Variants in MAP4 observed in about 807,000 individuals in gnomAD.
MAP4 encodes microtubule associated protein 4, also known as microtubule-associated protein 4.
A neutral mutation model predicts 170.2 loss-of-function variants in MAP4; 76 were observed. The observed-to-expected ratio is 0.45, with a 90% CI of 0.37 to 0.54. The LOEUF is 0.54. Among genes scored for constraint, MAP4 ranks in the 20% least tolerant of loss-of-function variants. The pLI, the probability that MAP4 is intolerant of heterozygous loss-of-function variation, is 0.00. For synonymous variants in MAP4, 909 were observed against 994.5 expected (o/e 0.91, Z 1.62); for missense variants, 2,506 against 2,748.0 (o/e 0.91, Z 1.97).
chr3:47,916,646 T>C lies in MAP4; in HGVS notation c.1181A>G (p.Lys394Arg), dbSNP rs199530118. 125 of 1,614,102 alleles carry C rather than the reference T, an allele frequency of 7.7e-5. No individual in the cohort carries two copies. Among genetic ancestry groups the C allele is most frequent in the Non-Finnish European group, 6.9e-5 (82 of 1,180,036 alleles). Residue 394 changes from lysine (K) to arginine (R), a missense_variant, in exon 7 of 21, where the codon AAG (lysine) becomes AGG (arginine). This residue lies in a region of MAP4 where 2,008 missense variants were observed against 2,206.0 expected (regional missense o/e 0.91). Coordinates refer to ENST00000683076, the MANE Select transcript of MAP4 (RefSeq NM_001385682.1). ...SPIKMDLAPS[K>R]DMGPPKENKI... ...GTTTTCTTTGGGTGGTCCCATGTCCTTGGAAGGAGCCAAGTCCATTTTTAT... is the reference window on the plus strand; with the variant it reads ...GTTTTCTTTGGGTGGTCCCATGTCCCTGGAAGGAGCCAAGTCCATTTTTAT...
At chr3:48,078,388 C>T (rs1439641313) in intron 1 of MAP4, among the ~76,000 whole-genome samples, 1 of 147,076 alleles carries the variant, frequency 6.8e-6, no homozygotes, top group East Asian at 2.0e-4. Context: ...AACTCCTGGG[C>T]TCAAGCAATC....
At chr3:47,888,885 G>C (rs574645999) in intron 10 of MAP4, among the ~76,000 whole-genome samples, 1 of 152,346 alleles carries the variant, frequency 6.6e-6, no homozygotes, top group African/African-American at 2.4e-5. Flanking sequence ...AAATGGCTCA[G>C]ATTGGTTAAG....
At chr3:48,032,741 C>T (rs1196516225) in intron 1 of MAP4, among the ~76,000 whole-genome samples, 1 of 152,122 alleles carries the variant, frequency 6.6e-6, no homozygotes, top group Non-Finnish European at 1.5e-5. Context: ...CGACCTAAAA[C>T]TGCACTCTGA....
chr3:47,892,182 G>GGTGA, intron 10 of MAP4: 1 of 1,536,364 alleles, frequency 6.5e-7, no homozygotes, highest in Non-Finnish European at 8.7e-7. Flanking sequence ...CTGCTCTCAA[G>GGTGA]GTGACCTGAG....
chr3:47,972,220 A>G lies in MAP4; in HGVS notation c.292+5645T>C, dbSNP rs564536438. Among the ~76,000 whole-genome samples, 3 of 152,354 alleles carry G rather than the reference A, an allele frequency of 2.0e-5. No homozygotes were observed. The South Asian group carries it at 6.2e-4, about 32-fold the overall frequency. Reference sequence around the variant, plus strand: ...CTACTGTAAACAAACACTAACCCAGAATGGCTAGGGAACTGCGCATTTTGT... The same window carrying G: ...CTACTGTAAACAAACACTAACCCAGGATGGCTAGGGAACTGCGCATTTTGT... On this transcript the variant is annotated intron_variant, in intron 3 of 20. Transcript: ENST00000683076.
intron 1 of MAP4, among the ~76,000 whole-genome samples, chr3:48,023,820 C>G (rs1044004530): frequency 2.0e-5 from 3 of 152,136 alleles, no homozygotes; most frequent in African/African-American, 7.2e-5. Flanking sequence ...AATGAAACTA[C>G]TAACAAAAAT....
chr3:47,909,050 G>T lies in MAP4; in HGVS notation c.5371C>A (p.Leu1791Met). The T allele has an allele frequency of 6.2e-7, 1 of 1,612,836 alleles. No homozygotes were observed. The highest frequency in any genetic ancestry group is 8.5e-7 in the Non-Finnish European group (1 of 1,179,406). Residue 1791 changes from leucine (L) to methionine (M), a missense_variant, in exon 9 of 21, where the codon CTG becomes ATG. Physicochemically the swap from Leu to Met is conservative, Grantham distance 15. Around this residue, in one of 3 missense-constraint regions of MAP4, gnomAD observed 2,008 missense variants for 2,206.0 expected, o/e 0.91. Coordinates refer to ENST00000683076, the MANE Select transcript of MAP4 (RefSeq NM_001385682.1). Reference protein sequence around the residue: ...TIQEQERHKQLKSAVCLSSST... With the variant: ...TIQEQERHKQMKSAVCLSSST... ...GGCAGGTTCATACCAGCGGACTTCA[G>T]TTGCTTATGTCTCTCTTGTTCCTGG...
intron 3 of MAP4, 58 bp downstream of exon 3, chr3:47,977,807 A>G (rs2100083053): frequency 1.8e-6 from 2 of 1,106,356 alleles, no homozygotes; most frequent in Non-Finnish European, 1.4e-6. Flanking sequence ...GGAGATTATC[A>G]AGGTGTTCAT....
At chr3:48,040,548 C>T (rs1028384824) in intron 1 of MAP4, among the ~76,000 whole-genome samples, 1 of 151,682 alleles carries the variant, frequency 6.6e-6, no homozygotes, top group African/African-American at 2.4e-5. Flanking sequence ...GGATTACAGG[C>T]GTGAGCCACC....
intron 3 of MAP4, among the ~76,000 whole-genome samples, chr3:47,932,072 T>C (rs959394615): frequency 1.3e-5 from 2 of 152,188 alleles, no homozygotes; most frequent in Non-Finnish European, 2.9e-5. Flanking sequence ...AGAAATCCCA[T>C]ATCTTTTCTC....
At chr3:48,079,013 A>G (rs1482062293) in intron 1 of MAP4, among the ~76,000 whole-genome samples, 1 of 152,104 alleles carries the variant, frequency 6.6e-6, no homozygotes, top group Admixed American at 6.6e-5. Flanking sequence ...TCTACAAACA[A>G]TACAAAAATT....
chr3:47,861,978 G>A (rs2067034026), intron 17 of MAP4, among the ~76,000 whole-genome samples: 1 of 151,594 alleles, frequency 6.6e-6, no homozygotes, highest in Non-Finnish European at 1.5e-5. Flanking sequence ...TGGCTAACAC[G>A]GTGAAACCCC....
At chr3:47,927,066 G>A (rs1464780777) in intron 4 of MAP4, among the ~76,000 whole-genome samples, 1 of 151,460 alleles carries the variant, frequency 6.6e-6, no homozygotes, top group Non-Finnish European at 1.5e-5. Context: ...GGCTGAGGCA[G>A]GAGAATCGCT....
At chr3:47,955,546 T>A (rs763473335) in intron 3 of MAP4, among the ~76,000 whole-genome samples, 1 of 151,914 alleles carries the variant, frequency 6.6e-6, no homozygotes. Context: ...ATACGTTAGA[T>A]GCTTTAGTAA....
intron 3 of MAP4, among the ~76,000 whole-genome samples, chr3:47,953,842 C>T (rs1369221048): frequency 2.0e-5 from 3 of 151,748 alleles, no homozygotes; most frequent in Admixed American, 2.0e-4. Flanking sequence ...GGTGAAACCC[C>T]GACTGTACTA....
chr3:48,037,631 G>C (rs563592247), intron 1 of MAP4, among the ~76,000 whole-genome samples: 1 of 152,172 alleles, frequency 6.6e-6, no homozygotes, highest in South Asian at 2.1e-4. Context: ...CTGGGCCCAA[G>C]CGATCCTGTC....
chr3:48,054,169 G>A (rs914384916), intron 1 of MAP4, among the ~76,000 whole-genome samples: 3 of 151,958 alleles, frequency 2.0e-5, no homozygotes, highest in African/African-American at 4.8e-5. Flanking sequence ...GTGGTGGCAC[G>A]CACCTGTAGT....
At chr3:48,017,491 T>C (rs555418307), upstream of MAP4, among the ~76,000 whole-genome samples, 41 of 126,444 alleles carry the variant, frequency 3.2e-4, no homozygotes, top group South Asian at 1.0e-3. Context: ...TTTCTTTTTT[T>C]TTTTTTTTGT....
Position 47,855,010 on chromosome 3 carries a change from C to T in MAP4, c.6696+238G>A. ...GCTCAATTAGGAAGGCCATGGCTCTCAGGAGCAAGGTTCTGCCTCCAGCTG... is the reference window on the plus strand; with the variant it reads ...GCTCAATTAGGAAGGCCATGGCTCTTAGGAGCAAGGTTCTGCCTCCAGCTG... On this transcript the variant is annotated intron_variant, in intron 19 of 20. Coordinates refer to ENST00000683076, the MANE Select transcript of MAP4 (RefSeq NM_001385682.1). The surrounding 1 kb of genome is among the most constrained non-coding windows in gnomAD (Gnocchi z 5.1). 1.9e-6 allele frequency: 1 copy of T among 512,822 alleles called. No individual in the cohort carries two copies. The highest frequency in any genetic ancestry group is 3.5e-6 in the Non-Finnish European group (1 of 283,650). 31.8% of individuals were successfully genotyped at this position (512,822 alleles called of 1,614,324 possible). A position where few individuals can be genotyped will look rare whatever the true frequency, so the allele number is the denominator to read the frequency against.
Sources: allele counts gnomAD v4.1 joint callset (sites outside exome capture counted in the v4.1 genomes callset), GRCh38; gene constraint gnomAD v4.1.1; regional missense constraint gnomAD v4.1.1; non-coding constraint Gnocchi (gnomAD v3.1); transcripts MANE v1.5; gene names NCBI Gene and HGNC (gene_info 2026-07-23, HGNC 2026-07-21).